The following RMST variants were observed in gnomAD, a reference collection of about 807,000 sequenced individuals.
RMST encodes the protein long intergenic non-protein coding RNA 54.
intron 11 of RMST, among the ~76,000 whole-genome samples, chr12:97,544,006 G>C (rs1882747588): frequency 6.6e-6 from 1 of 152,018 alleles, no homozygotes. Flanking sequence ...GGAATCTGTA[G>C]AGGCATTCAC....
At chr12:97,546,268 C>A (rs952348697) in intron 11 of RMST, among the ~76,000 whole-genome samples, 2 of 152,006 alleles carry the variant, frequency 1.3e-5, no homozygotes, top group African/African-American at 4.8e-5. Flanking sequence ...GAGATCTAAT[C>A]TTTCACATCT....
intron 11 of RMST, among the ~76,000 whole-genome samples, chr12:97,541,012 GTA>G (rs145399907): frequency 4.1e-4 from 60 of 146,072 alleles, no homozygotes; most frequent in Admixed American, 5.5e-4. Flanking sequence ...TGTCCCAGGT[GTA>G]TATATATATA....
intron 11 of RMST, among the ~76,000 whole-genome samples, chr12:97,535,382 G>A (rs955358309): frequency 1.3e-5 from 2 of 151,660 alleles, no homozygotes; most frequent in African/African-American, 4.8e-5. Context: ...TTCATAAAAA[G>A]ATACTTTTAA....
intron 5 of RMST, among the ~76,000 whole-genome samples, chr12:97,467,619 G>C (rs1404704460): frequency 6.6e-6 from 1 of 151,856 alleles, no homozygotes; most frequent in Admixed American, 6.6e-5. Flanking sequence ...CTCCAAGTTT[G>C]CTTTCTTCTT....
At chr12:97,475,175 T>C (rs1399542951) in intron 5 of RMST, among the ~76,000 whole-genome samples, 2 of 152,162 alleles carry the variant, frequency 1.3e-5, no homozygotes, top group African/African-American at 4.8e-5. Flanking sequence ...CTCAGGTGCA[T>C]GTTTACTTTT....
At chr12:97,507,283 T>A (rs1003046336) in intron 10 of RMST, among the ~76,000 whole-genome samples, 3 of 150,400 alleles carry the variant, frequency 2.0e-5, no homozygotes, top group Non-Finnish European at 4.4e-5. Context: ...TGTCTTTTTT[T>A]TTTTAAAAAA....
intron 10 of RMST, among the ~76,000 whole-genome samples, chr12:97,509,801 A>G (rs1879093726): frequency 6.6e-6 from 1 of 152,204 alleles, no homozygotes; most frequent in Non-Finnish European, 1.5e-5. Context: ...CAGCCAGTCA[A>G]CAAATATATA....
At position 97,482,751 on chromosome 12, in the gene RMST, T is replaced by A. The variant is rs942774455; in HGVS notation, n.645-9710T>A. ...TAAATAAATTTATATTATTTATTTA[T>A]TAAATAAATTTATATTATTTATTTA... is the stretch of plus-strand genomic sequence containing the variant. On this transcript the variant is annotated intron_variant and non_coding_transcript_variant, in intron 5 of 13. Transcript: ENST00000640149. Among the ~76,000 whole-genome samples the A allele has an allele frequency of 1.8e-3, 77 of 41,998 alleles. 1 individual carries two copies. Among genetic ancestry groups the A allele is most frequent in the African/African-American group, 4.4e-3 (53 of 12,164 alleles). The allele number at this position is 41,998 out of a possible 152,430, so 27.6% of individuals were successfully genotyped here. A position where few individuals can be genotyped will look rare whatever the true frequency, so the allele number is the denominator to read the frequency against.
intron 10 of RMST, among the ~76,000 whole-genome samples, chr12:97,512,202 C>G (rs959480479): frequency 6.6e-6 from 1 of 151,956 alleles, no homozygotes; most frequent in Non-Finnish European, 1.5e-5. Flanking sequence ...CTTAAGGTGG[C>G]GCGTCTGGCG....
At chr12:97,465,845 A>G (rs1276766011) in intron 5 of RMST, 2 of 152,178 alleles carry the variant, frequency 1.3e-5, no homozygotes, top group African/African-American at 4.8e-5. Context: ...TTTTAAAAAT[A>G]TTAAAGGTTT....
At chr12:97,475,583 T>G (rs1874444054) in intron 5 of RMST, among the ~76,000 whole-genome samples, 1 of 122,808 alleles carries the variant, frequency 8.1e-6, no homozygotes, top group Non-Finnish European at 1.8e-5. Flanking sequence ...GTATCTTTTT[T>G]TTTGTTTTTT....
intron 10 of RMST, among the ~76,000 whole-genome samples, chr12:97,502,966 A>G (rs1878254372): frequency 6.6e-6 from 1 of 152,178 alleles, no homozygotes; most frequent in South Asian, 2.1e-4. Context: ...TTGGTCTCCC[A>G]ATAGAGCACC....
chr12:97,481,095 C>T (rs747959118), intron 5 of RMST, among the ~76,000 whole-genome samples: 8 of 152,222 alleles, frequency 5.3e-5, no homozygotes, highest in Non-Finnish European at 8.8e-5. Context: ...GTCTGTTCCA[C>T]TGCTGATAAT....
At chr12:97,474,160 T>TAAGTGAAGTCCCTA (rs1228484985) in intron 5 of RMST, among the ~76,000 whole-genome samples, 5 of 152,074 alleles carry the variant, frequency 3.3e-5, no homozygotes, top group Admixed American at 6.6e-5. Context: ...GGAGATCCTA[T>TAAGTGAAGTCCCTA]TACGTGAAGG....
intron 5 of RMST, among the ~76,000 whole-genome samples, chr12:97,487,531 G>C (rs1876246002): frequency 6.6e-6 from 1 of 152,160 alleles, no homozygotes; most frequent in African/African-American, 2.4e-5. Context: ...AAGCACGTTT[G>C]ATGGACCTCA....
chr12:97,537,614 A>G (rs184224970), intron 11 of RMST, among the ~76,000 whole-genome samples: 74 of 151,540 alleles, frequency 4.9e-4, no homozygotes, highest in Admixed American at 4.7e-3. Context: ...TGTGGATGGT[A>G]TCTGTTTACC....
chr12:97,541,276 G>A (rs113568888), intron 11 of RMST: 2 of 151,592 alleles, frequency 1.3e-5, no homozygotes, highest in African/African-American at 4.8e-5. Flanking sequence ...TGATTTACCT[G>A]GTATTACTTC....
At chr12:97,558,893 A>T (rs1314890040) in intron 11 of RMST, among the ~76,000 whole-genome samples, 1 of 152,176 alleles carries the variant, frequency 6.6e-6, no homozygotes, top group East Asian at 1.9e-4. Flanking sequence ...AAGAAAATGG[A>T]TTCAAATCTA....
intron 10 of RMST, among the ~76,000 whole-genome samples, chr12:97,503,690 A>G (rs7137105): frequency 0.014 from 2,092 of 152,306 alleles, 52 homozygotes; most frequent in African/African-American, 0.048. Context: ...ATAAATGCCA[A>G]TGCTACAGTA....
Sources: allele counts gnomAD v4.1 joint callset (sites outside exome capture counted in the v4.1 genomes callset), GRCh38; gene constraint gnomAD v4.1.1; transcripts MANE v1.5; gene names NCBI Gene and HGNC (gene_info 2026-07-23, HGNC 2026-07-21).